SP1: variants seen among roughly 807,000 people sequenced by gnomAD.
SP1 encodes the protein transcription factor Sp1.
In SP1, 6 loss-of-function variants were observed where a neutral mutation model predicts 66.3. That is an observed-to-expected ratio of 0.09 (90% CI 0.05 to 0.18). The LOEUF (loss-of-function observed/expected upper bound fraction) is 0.18, where lower values mean the gene tolerates loss of function less well. Ranked by LOEUF, SP1 falls within the 10% of genes least tolerant of loss-of-function variation. The probability of loss-of-function intolerance (pLI) is 1.00; values close to 1 mark genes in which losing one functional copy is unlikely to be tolerated. For synonymous variants in SP1, 417 were observed against 360.8 expected (o/e 1.16, Z -1.77); for missense variants, 848 against 964.5 (o/e 0.88, Z 1.60).
In SP1 at chr12:53,382,652, T is replaced by G; in HGVS notation, c.705T>G (p.Ala235=). ...CTATGCCAAACCTACTCCAGCAGGC[T>G]GTCCCCCTCCAAGGCCTGGCTAATA... The part of the protein sequence containing the change: ...IAAMPNLLQQ[A]VPLQGLANNV... The change falls in exon 3 of 6, where the codon GCT becomes GCG. Residue 235 remains alanine (A), a synonymous_variant. Transcript: ENST00000327443. The G allele has an allele frequency of 6.2e-7, 1 of 1,614,186 alleles. No homozygotes were observed. Among genetic ancestry groups the G allele is most frequent in the South Asian group, 1.1e-5 (1 of 91,086 alleles).
In SP1 at chr12:53,411,250, C is replaced by T. The variant is rs1938876679; in HGVS notation, c.*10C>T. 2.5e-6 allele frequency: 4 copies of T among 1,603,066 alleles called. No homozygotes were observed. Among genetic ancestry groups the T allele is most frequent in the Non-Finnish European group, 3.4e-6 (4 of 1,173,996 alleles). On this transcript the variant is annotated 3_prime_UTR_variant, in exon 6 of 6. Coordinates refer to ENST00000327443, the MANE Select transcript of SP1 (RefSeq NM_138473.3). ...TGGCAATGGCTTCTGAGATCAGGCA[C>T]CCGGGGCCAGAGACATATGGGCCAT...
Position 53,411,744 on chromosome 12 carries a change from C to G in SP1, c.*504C>G, listed in dbSNP as rs1341824343. ...GAAGACCATTCTGTGACCAAAATAC[C>G]TTGGTCATTTTTTTTATATTGCCTT... is the stretch of plus-strand genomic sequence containing the variant. On this transcript the variant is annotated 3_prime_UTR_variant, in exon 6 of 6. Transcript: ENST00000327443. The G allele has an allele frequency of 6.6e-6, 1 of 150,876 alleles. No individual in the cohort carries two copies. Among genetic ancestry groups the G allele is most frequent in the East Asian group, 1.9e-4 (1 of 5,140 alleles). 9.3% of individuals were successfully genotyped at this position (150,876 alleles called of 1,614,324 possible). A position where few individuals can be genotyped will look rare whatever the true frequency, so the allele number is the denominator to read the frequency against.
At chr12:53,394,867 G>C (rs1938447760) in intron 3 of SP1, among the ~76,000 whole-genome samples, 1 of 151,622 alleles carries the variant, frequency 6.6e-6, no homozygotes, top group Non-Finnish European at 1.5e-5. Context: ...ACCCGCCTCG[G>C]CCTCCCAAAG....
intron 5 of SP1, among the ~76,000 whole-genome samples, 190 bp from the exon 6 acceptor site, chr12:53,410,737 C>G (rs561432520): frequency 6.6e-6 from 1 of 152,142 alleles, no homozygotes; most frequent in Non-Finnish European, 1.5e-5. Flanking sequence ...TCGTGATCTG[C>G]CCGCCTTGGC....
intron 3 of SP1, among the ~76,000 whole-genome samples, chr12:53,390,085 C>CAGT (rs1938314531): frequency 6.6e-6 from 1 of 152,116 alleles, no homozygotes; most frequent in Non-Finnish European, 1.5e-5. Context: ...TGTTTTAGAG[C>CAGT]AGTACATTTG....
intron 3 of SP1, 35 bp from the exon 4 acceptor site, chr12:53,406,550 T>C: frequency 1.2e-6 from 2 of 1,600,010 alleles, no homozygotes. Flanking sequence ...AACCTGCCCA[T>C]GTCACATGTT....
At chr12:53,397,850 G>A (rs1258790687) in intron 3 of SP1, among the ~76,000 whole-genome samples, 2 of 152,108 alleles carry the variant, frequency 1.3e-5, no homozygotes, top group East Asian at 1.9e-4. Context: ...CACTGCGCCC[G>A]ACCGTAGATA....
intron 3 of SP1, among the ~76,000 whole-genome samples, chr12:53,398,118 G>A (rs1938530158): frequency 6.6e-6 from 1 of 152,098 alleles, no homozygotes; most frequent in South Asian, 2.1e-4. Flanking sequence ...ATAGAAGTAG[G>A]ATGATTATAA....
chr12:53,397,849 C>T (rs1210318089), intron 3 of SP1, among the ~76,000 whole-genome samples: 2 of 151,996 alleles, frequency 1.3e-5, no homozygotes, highest in African/African-American at 2.4e-5. Context: ...CCACTGCGCC[C>T]GACCGTAGAT....
At position 53,415,898 on chromosome 12, in the gene SP1, C is replaced by G. The variant is rs1938986349; in HGVS notation, c.*4658C>G. The G allele has an allele frequency of 6.6e-6, 1 of 152,604 alleles. No homozygotes were observed. Among genetic ancestry groups the G allele is most frequent in the Admixed American group, 6.6e-5 (1 of 15,256 alleles). 9.5% of individuals were successfully genotyped at this position (152,604 alleles called of 1,614,324 possible). ...TCCCAGTGAAATCCCATAGCCCTTA[C>G]CTAGAGTCTAGGGCACAAAGACTTC... On this transcript the variant is annotated 3_prime_UTR_variant, in exon 6 of 6. Transcript: ENST00000327443.
intron 3 of SP1, among the ~76,000 whole-genome samples, chr12:53,404,791 C>A (rs1416096353): frequency 6.6e-6 from 1 of 151,882 alleles, no homozygotes; most frequent in Non-Finnish European, 1.5e-5. Flanking sequence ...CCACCTTAGC[C>A]TCCTGAGTAG....
In SP1 at chr12:53,380,261, A is replaced by AC. The variant is rs1565805233; in HGVS notation, c.-26dup. The AC allele has an allele frequency of 6.9e-6, 4 of 581,328 alleles. No homozygotes were observed. Among genetic ancestry groups the AC allele is most frequent in the Admixed American group, 6.0e-5 (3 of 50,366 alleles). 36.0% of individuals were successfully genotyped at this position (581,328 alleles called of 1,614,324 possible). A position where few individuals can be genotyped will look rare whatever the true frequency, so the allele number is the denominator to read the frequency against. On this transcript the variant is annotated 5_prime_UTR_variant, in exon 1 of 6. Coordinates refer to ENST00000327443, the MANE Select transcript of SP1 (RefSeq NM_138473.3). ...GCCCCCCCCAACCCCCCCGGACAGG[A>AC]CCCCCTTGAGCTTGTCCCTCAGCTG...
rs934205205 is a variant in SP1 at position 53,409,460 on chromosome 12, G to T, written c.1943G>T (p.Arg648Leu). Residue 648 changes from arginine to leucine, a missense_variant, in exon 5 of 6, where the codon CGC (arginine) becomes CTC (leucine). Physicochemically the swap from Arg to Leu is moderately radical, Grantham distance 102. Around this residue, in one of 7 missense-constraint regions of SP1, gnomAD observed 39 missense variants for 124.2 expected, o/e 0.31. Transcript: ENST00000327443. ...GKTSHLRAHL[R>L]WHTGERPFMC... is the part of the protein sequence containing the mutation. ...ACCTCTCACCTGCGGGCACACTTGC[G>T]CTGGCATACAGGCGAGAGGCCATTT... 6.2e-7 allele frequency: 1 copy of T among 1,613,962 alleles called. No individual in the cohort carries two copies. The highest frequency in any genetic ancestry group is 1.3e-5 in the African/African-American group (1 of 74,912).
chr12:53,380,606 G>A (rs910287105), intron 1 of SP1: 8 of 999,708 alleles, frequency 8.0e-6, no homozygotes, highest in Non-Finnish European at 8.3e-6. Context: ...GGCTCCTCCC[G>A]CCGGGGGCTG....
At position 53,385,463 on chromosome 12, in the gene SP1, C is replaced by T. The variant is rs1229477981; in HGVS notation, c.1675+1841C>T. Reference sequence around the variant, plus strand: ...ACAAAAAATTAGCTGGGCATGGTGGCGCGCACCTGTAGTCCCAGCGACTCA... The same window carrying T: ...ACAAAAAATTAGCTGGGCATGGTGGTGCGCACCTGTAGTCCCAGCGACTCA... On this transcript the variant is annotated intron_variant, in intron 3 of 5. Coordinates refer to ENST00000327443, the MANE Select transcript of SP1 (RefSeq NM_138473.3). Among the ~76,000 whole-genome samples the T allele has an allele frequency of 4.7e-5, 7 of 147,740 alleles. No homozygotes were observed. The East Asian group carries it at 6.1e-4, about 13-fold the overall frequency.
At chr12:53,389,658 C>G (rs1469898595) in intron 3 of SP1, among the ~76,000 whole-genome samples, 1 of 151,672 alleles carries the variant, frequency 6.6e-6, no homozygotes. Context: ...AACAGCTTTT[C>G]CTTTCATTTT....
chr12:53,407,785 C>T (rs559945874), intron 4 of SP1, among the ~76,000 whole-genome samples: 85 of 150,598 alleles, frequency 5.6e-4, no homozygotes, highest in African/African-American at 1.8e-3. Context: ...TACAGGTGCC[C>T]GCCACCTCGC....
intron 3 of SP1, among the ~76,000 whole-genome samples, chr12:53,405,992 A>G (rs1452146336): frequency 1.0e-5 from 1 of 95,884 alleles, no homozygotes; most frequent in Non-Finnish European, 1.9e-5. Flanking sequence ...AACTTAAAGT[A>G]TAATAATAAA....
At chr12:53,402,509 G>A (rs944688770) in intron 3 of SP1, among the ~76,000 whole-genome samples, 10 of 151,528 alleles carry the variant, frequency 6.6e-5, no homozygotes, top group East Asian at 5.9e-4. Context: ...GGCGTGAGCC[G>A]TTGCGCCCGG....
Sources: gnomAD v4.1 joint callset for allele counts (sites outside exome capture counted in the v4.1 genomes callset) on GRCh38, gnomAD v4.1.1 for gene constraint, gnomAD v4.1.1 regional missense constraint, MANE v1.5 for transcripts, NCBI Gene and HGNC (gene_info 2026-07-23, HGNC 2026-07-21) for gene names.